Variants in FREM2 observed in about 807,000 individuals in gnomAD.
FREM2 encodes FRAS1 related extracellular matrix 2, also known as FRAS1-related extracellular matrix protein 2.
FREM2 carries 119 observed loss-of-function variants against 219.9 expected under a neutral mutation model. The observed-to-expected ratio is 0.54, with a 90% CI of 0.47 to 0.63. The LOEUF (loss-of-function observed/expected upper bound fraction) is 0.63. FREM2 is among the 30% of genes least tolerant of loss of function. The pLI is 0.00. For synonymous variants in FREM2, 1,562 were observed against 1,522.8 expected (o/e 1.03, Z -0.60); for missense variants, 4,030 against 3,993.6 (o/e 1.01, Z -0.25).
At chr13:38,797,228 G>A (rs957875158) in intron 6 of FREM2, among the ~76,000 whole-genome samples, 1 of 151,696 alleles carries the variant, frequency 6.6e-6, no homozygotes, top group Non-Finnish European at 1.5e-5. Context: ...CACCAAGAGG[G>A]TGTGAGTTCT....
chr13:38,876,258 A>T lies in FREM2; in HGVS notation c.8420A>T (p.Tyr2807Phe). Residue 2807 changes from tyrosine to phenylalanine, a missense_variant, in exon 20 of 24, where the codon TAC (tyrosine) becomes TTC (phenylalanine). Coordinates refer to ENST00000280481, the MANE Select transcript of FREM2 (RefSeq NM_207361.6). ...SFVSDFAVRD[Y>F]SGTYTVKLVP... is the part of the protein sequence containing the mutation. The stretch of plus-strand genomic sequence containing the variant: ...ATCTTCTCCTCAAAGGTACGTGACT[A>T]CTCAGGGACCTATACTGTGAAGCTG... The T allele has an allele frequency of 6.2e-7, 1 of 1,614,062 alleles. No homozygotes were observed. The highest frequency in any genetic ancestry group is 8.5e-7 in the Non-Finnish European group (1 of 1,179,984).
At chr13:38,792,616 T>C (rs1874607419) in intron 6 of FREM2, among the ~76,000 whole-genome samples, 1 of 152,242 alleles carries the variant, frequency 6.6e-6, no homozygotes, top group Non-Finnish European at 1.5e-5. Flanking sequence ...TATATGTATG[T>C]ATTTATTAGT....
chr13:38,776,895 AT>A (rs1272874192), intron 4 of FREM2, among the ~76,000 whole-genome samples: 21 of 151,878 alleles, frequency 1.4e-4, no homozygotes, highest in African/African-American at 4.6e-4. Flanking sequence ...CCCTGCAGTC[AT>A]TTTTTTTCTA....
intron 6 of FREM2, among the ~76,000 whole-genome samples, chr13:38,818,412 TA>T (rs1355037343): frequency 1.3e-5 from 2 of 152,080 alleles, no homozygotes; most frequent in African/African-American, 4.8e-5. Context: ...GACACCATGT[TA>T]AGTGAAATAA....
chr13:38,800,507 A>T (rs535302820), intron 6 of FREM2, among the ~76,000 whole-genome samples: 1 of 152,106 alleles, frequency 6.6e-6, no homozygotes, highest in East Asian at 1.9e-4. Flanking sequence ...GACTTTAGAC[A>T]CTTTGACTAT....
chr13:38,687,388 G>A lies in FREM2; in HGVS notation c.44G>A (p.Gly15Asp). 1 of 1,608,884 alleles carries A rather than the reference G, an allele frequency of 6.2e-7. No individual in the cohort carries two copies. The highest frequency in any genetic ancestry group is 8.5e-7 in the Non-Finnish European group (1 of 1,178,118). ...GTPGLSSRRT[G>D]NSTSFQPGPP... ...CCCGGGTTATCCTCGCGCCGGACAG[G>A]CAACTCCACCAGCTTTCAACCAGGA... Residue 15 changes from glycine to aspartate, a missense_variant, in exon 1 of 24, where the codon GGC becomes GAC. Transcript: ENST00000280481.
At chr13:38,726,227 C>T (rs1325714110) in intron 2 of FREM2, among the ~76,000 whole-genome samples, 1 of 152,122 alleles carries the variant, frequency 6.6e-6, no homozygotes, top group Non-Finnish European at 1.5e-5. Context: ...ATAATTTCAG[C>T]AGGCTCCTGG....
intron 2 of FREM2, among the ~76,000 whole-genome samples, chr13:38,704,170 C>T (rs989608087): frequency 6.6e-6 from 1 of 152,120 alleles, no homozygotes; most frequent in Non-Finnish European, 1.5e-5. Flanking sequence ...TTGGCTAAAG[C>T]AAGATTCCTT....
In FREM2 at chr13:38,880,789, G is replaced by T; in HGVS notation, c.*2G>T. The T allele has an allele frequency of 6.2e-7, 1 of 1,614,036 alleles. No homozygotes were observed. Among genetic ancestry groups the T allele is most frequent in the South Asian group, 1.1e-5 (1 of 91,052 alleles). ...CACAATGACAGCTCAGAAGTTTGAT[G>T]ACTGCAGGTAGAATTCAACCTTTTC... On this transcript the variant is annotated 3_prime_UTR_variant, in exon 24 of 24. Coordinates refer to ENST00000280481, the MANE Select transcript of FREM2 (RefSeq NM_207361.6).
In FREM2 at chr13:38,837,803, A is replaced by G. The variant is rs564762622; in HGVS notation, c.6020-8770A>G. On this transcript the variant is annotated intron_variant, in intron 6 of 23. Coordinates refer to ENST00000280481, the MANE Select transcript of FREM2 (RefSeq NM_207361.6). ...TTGTTTTGTTTTGTTTTTGCTTTCC[A>G]TTTGCTTGGTAAATATTCCTCTCTC... 7.6e-4 allele frequency among the ~76,000 whole-genome samples: 95 copies of G among 125,468 alleles called. 3 individuals carry two copies. The highest frequency in any genetic ancestry group is 1.3e-3 in the Non-Finnish European group (73 of 57,438). The allele number at this position is 125,468 out of a possible 152,430, so 82.3% of individuals were successfully genotyped here. A position where few individuals can be genotyped will look rare whatever the true frequency, so the allele number is the denominator to read the frequency against.
At position 38,872,786 on chromosome 13, in the gene FREM2, G is replaced by GTAT. The variant is rs1444159947; in HGVS notation, c.8029_8031dup (p.Tyr2677dup). 6.2e-7 allele frequency: 1 copy of GTAT among 1,614,022 alleles called. No individual in the cohort carries two copies. Among genetic ancestry groups the GTAT allele is most frequent in the Admixed American group, 1.7e-5 (1 of 60,018 alleles). On this transcript the variant is annotated inframe_insertion, in exon 17 of 24. Coordinates refer to ENST00000280481, the MANE Select transcript of FREM2 (RefSeq NM_207361.6). ...CCTATGTGACCCTTCGAGTCCCTCT[G>GTAT]TATGTTTCCTACGTGTTCCATTCCC...
chr13:38,880,233 A>C, intron 23 of FREM2, 51 bp from the exon 24 acceptor site: 1 of 1,568,920 alleles, frequency 6.4e-7, no homozygotes, highest in Non-Finnish European at 8.7e-7. Flanking sequence ...GTCGTGGATT[A>C]GATTGACATG....
At position 38,691,663 on chromosome 13, in the gene FREM2, C is replaced by A. The variant is rs79048205; in HGVS notation, c.4319C>A (p.Thr1440Lys). The A allele has an allele frequency of 1.4e-3, 2,213 of 1,614,136 alleles. 18 individuals are homozygous for A. Among genetic ancestry groups the A allele is most frequent in the African/African-American group, 0.012 (874 of 75,030 alleles). The part of the protein sequence containing the change: ...SLKEGGKVTL[T>K]TDLLSTSDLN... ...AAAGAAGGTGGCAAAGTCACTCTTA[C>A]AACAGACCTACTAAGCACTAGTGAC... Residue 1440 changes from threonine (T) to lysine (K), a missense_variant, in exon 1 of 24, where the codon ACA (threonine) becomes AAA (lysine). Transcript: ENST00000280481.
chr13:38,843,949 A>G (rs1184170433), intron 6 of FREM2, among the ~76,000 whole-genome samples: 2 of 152,136 alleles, frequency 1.3e-5, no homozygotes, highest in Admixed American at 6.6e-5. Context: ...AATCACATCA[A>G]ACTTTAACTT....
chr13:38,845,191 T>C (rs1305554356), intron 6 of FREM2, among the ~76,000 whole-genome samples: 1 of 152,180 alleles, frequency 6.6e-6, no homozygotes, highest in Admixed American at 6.5e-5. Context: ...AAAACAAACT[T>C]TTCCAGTTTA....
rs189402094 is a variant in FREM2, at chr13:38,728,659, A to C, written c.5263+30872A>C. ...AACTATGGGCTCAAGTGATCTGCCC[A>C]TCTTGACCTCCCAAAGTGCTAGGAT... is the stretch of plus-strand genomic sequence containing the variant. On this transcript the variant is annotated intron_variant, in intron 2 of 23. Coordinates refer to ENST00000280481, the MANE Select transcript of FREM2 (RefSeq NM_207361.6). 2.6e-3 allele frequency among the ~76,000 whole-genome samples: 398 copies of C among 150,640 alleles called. 5 individuals carry two copies. The highest frequency in any genetic ancestry group is 9.5e-3 in the African/African-American group (388 of 40,900).
intron 2 of FREM2, among the ~76,000 whole-genome samples, chr13:38,730,154 C>T (rs933261331): frequency 2.0e-5 from 3 of 152,194 alleles, no homozygotes; most frequent in Non-Finnish European, 2.9e-5. Context: ...CTCACGGTAG[C>T]ACTGTGTCTA....
intron 6 of FREM2, among the ~76,000 whole-genome samples, chr13:38,816,574 C>T (rs1371403421): frequency 2.6e-5 from 4 of 152,088 alleles, no homozygotes; most frequent in African/African-American, 4.8e-5. Context: ...TGGTACTTAC[C>T]TCAATGCAGT....
Position 38,773,971 on chromosome 13 carries a change from AT to A in FREM2, c.5641+4164del, listed in dbSNP as rs1438769339. Among the ~76,000 whole-genome samples the A allele has an allele frequency of 6.7e-4, 101 of 150,662 alleles. 2 individuals carry two copies. Among genetic ancestry groups the A allele is most frequent in the East Asian group, 3.9e-4 (2 of 5,154 alleles). Reference sequence around the variant, plus strand: ...GTGCCAGAGGCAGTATTTAAAAAAAATATGTATAAAATATATAATAAAACTA... The same window carrying A: ...GTGCCAGAGGCAGTATTTAAAAAAAAATGTATAAAATATATAATAAAACTA... On this transcript the variant is annotated intron_variant, in intron 4 of 23. Coordinates refer to ENST00000280481, the MANE Select transcript of FREM2 (RefSeq NM_207361.6).
Sources: gnomAD v4.1 joint callset for allele counts (sites outside exome capture counted in the v4.1 genomes callset) on GRCh38, gnomAD v4.1.1 for gene constraint, MANE v1.5 for transcripts, NCBI Gene and HGNC (gene_info 2026-07-23, HGNC 2026-07-21) for gene names.